The following ADAMTS12 variants were observed in gnomAD, a reference collection of about 807,000 sequenced individuals.
ADAMTS12 encodes the protein ADAM metallopeptidase with thrombospondin type 1 motif 12.
A neutral mutation model predicts 167.8 loss-of-function variants in ADAMTS12; 118 were observed. That is an observed-to-expected ratio of 0.70 (90% CI 0.61 to 0.82). ADAMTS12 has a LOEUF of 0.82. Ranked by LOEUF, ADAMTS12 falls within the 40% of genes least tolerant of loss-of-function variation. The pLI is 0.00. For synonymous variants in ADAMTS12, 704 were observed against 716.9 expected, an observed-to-expected ratio of 0.98 and a Z score of 0.29; for missense variants, 1,916 against 1,998.8, an observed-to-expected ratio of 0.96 and a Z score of 0.79.
intron 19 of ADAMTS12, 114 bp from the exon 20 acceptor site, chr5:33,561,293 A>T (rs572649240): frequency 7.5e-7 from 1 of 1,337,552 alleles, no homozygotes; most frequent in East Asian, 2.5e-5. Context: ...TTGCCCACAG[A>T]GCTTTTTAAA....
intron 5 of ADAMTS12, among the ~76,000 whole-genome samples, chr5:33,676,707 C>CACACACAG (rs879440613): frequency 2.8e-4 from 42 of 149,116 alleles, no homozygotes; most frequent in South Asian, 1.7e-3. Context: ...CACACACACA[C>CACACACAG]AGAGAGAGAG....
At chr5:33,623,423 G>C (rs1739426665) in intron 14 of ADAMTS12, among the ~76,000 whole-genome samples, 1 of 152,212 alleles carries the variant, frequency 6.6e-6, no homozygotes, top group Admixed American at 6.5e-5. Context: ...GGGAAACTCA[G>C]AGGTGCAAGA....
At chr5:33,800,466 A>C (rs1746955464) in intron 2 of ADAMTS12, among the ~76,000 whole-genome samples, 1 of 152,210 alleles carries the variant, frequency 6.6e-6, no homozygotes, top group Non-Finnish European at 1.5e-5. Context: ...ATGATCCACA[A>C]GATTTTCTCA....
chr5:33,849,651 ATATATAGTATC>A (rs1466522596), intron 2 of ADAMTS12, among the ~76,000 whole-genome samples: 394 of 124,398 alleles, frequency 3.2e-3, no homozygotes, highest in Non-Finnish European at 4.6e-3. Context: ...TTGCATAGCA[ATATATAGTATC>A]TATATATGTA....
intron 3 of ADAMTS12, among the ~76,000 whole-genome samples, chr5:33,745,087 G>A (rs1388992854): frequency 6.6e-6 from 1 of 152,184 alleles, no homozygotes; most frequent in Non-Finnish European, 1.5e-5. Flanking sequence ...CATAGCACTG[G>A]CATTGCAGGC....
chr5:33,744,661 A>G (rs1744716602), intron 3 of ADAMTS12, among the ~76,000 whole-genome samples: 1 of 152,204 alleles, frequency 6.6e-6, no homozygotes, highest in Non-Finnish European at 1.5e-5. Flanking sequence ...CAGACAATGT[A>G]GAAAGCTATT....
At chr5:33,867,314 T>C (rs10941108) in intron 2 of ADAMTS12, among the ~76,000 whole-genome samples, 31,588 of 152,030 alleles carry the variant, frequency 0.21, 4,102 homozygotes, top group Middle Eastern at 0.3. Context: ...TTGCAGAAAC[T>C]TGGATGGAGC....
At chr5:33,800,461 C>T (rs1261994685) in intron 2 of ADAMTS12, among the ~76,000 whole-genome samples, 3 of 152,300 alleles carry the variant, frequency 2.0e-5, no homozygotes, top group East Asian at 3.9e-4. Context: ...TGGACATGAT[C>T]CACAAGATTT....
chr5:33,681,251 C>T (rs1204757063), intron 5 of ADAMTS12, among the ~76,000 whole-genome samples: 3 of 152,106 alleles, frequency 2.0e-5, no homozygotes, highest in African/African-American at 7.2e-5. Context: ...CCCCACTCCA[C>T]AGATTGTTTT....
At chr5:33,570,074 T>C (rs539704091) in intron 19 of ADAMTS12, among the ~76,000 whole-genome samples, 1 of 152,214 alleles carries the variant, frequency 6.6e-6, no homozygotes, top group South Asian at 2.1e-4. Context: ...CAAACAAAGC[T>C]TCCAAGAAAT....
chr5:33,568,302 A>G (rs761458064), intron 19 of ADAMTS12, among the ~76,000 whole-genome samples: 1 of 152,222 alleles, frequency 6.6e-6, no homozygotes, highest in Non-Finnish European at 1.5e-5. Context: ...AATCAAACAT[A>G]AATCAAAGCG....
At chr5:33,845,269 G>A (rs551712031) in intron 2 of ADAMTS12, among the ~76,000 whole-genome samples, 1 of 152,164 alleles carries the variant, frequency 6.6e-6, no homozygotes, top group Non-Finnish European at 1.5e-5. Context: ...CTCTTCAGAG[G>A]AGGGAGAAAA....
chr5:33,575,777 C>T (rs1561138224), intron 19 of ADAMTS12, among the ~76,000 whole-genome samples: 5 of 152,094 alleles, frequency 3.3e-5, no homozygotes, highest in East Asian at 1.9e-4. Context: ...GAATTGTACA[C>T]GGCAGGAACT....
intron 2 of ADAMTS12, among the ~76,000 whole-genome samples, chr5:33,787,121 T>C (rs773823610): frequency 4.6e-5 from 7 of 152,130 alleles, no homozygotes; most frequent in Non-Finnish European, 8.8e-5. Context: ...CTGAAGCACA[T>C]TGTCATTCTT....
rs189591985 is a variant in ADAMTS12 at position 33,641,762 on chromosome 5, G to A, written c.1718+48C>T. ...GCCATTCAAGACTGCCCCCCATCCC[G>A]CCCCCAGCACATGTGGAGAGAAGGG... On this transcript the variant is annotated intron_variant, in intron 11 of 23. Coordinates refer to ENST00000504830, the MANE Select transcript of ADAMTS12 (RefSeq NM_030955.4). 50 of 1,480,702 alleles carry A rather than the reference G, an allele frequency of 3.4e-5. No individual in the cohort carries two copies. In the East Asian group the frequency reaches 5.2e-4, roughly 15 times the overall value. The allele number at this position is 1,480,702 out of a possible 1,614,324, so 91.7% of individuals were successfully genotyped here. A position where few individuals can be genotyped will look rare whatever the true frequency, so the allele number is the denominator to read the frequency against.
intron 16 of ADAMTS12, among the ~76,000 whole-genome samples, chr5:33,609,384 T>G (rs13353882): frequency 4.8e-5 from 7 of 147,262 alleles, no homozygotes; most frequent in Admixed American, 4.0e-4. Context: ...TTTTTTTTTT[T>G]TTTGGAGAGA....
intron 2 of ADAMTS12, among the ~76,000 whole-genome samples, chr5:33,857,109 T>G (rs902085217): frequency 1.3e-5 from 2 of 152,198 alleles, no homozygotes; most frequent in Admixed American, 6.5e-5. Context: ...CTGTCATGTG[T>G]GACAACATAG....
rs896616605 is a variant in ADAMTS12, at chr5:33,527,140, T to C, written c.*48A>G. On this transcript the variant is annotated 3_prime_UTR_variant, in exon 24 of 24. Transcript: ENST00000504830. ...CAGCTCCCAGGGCTAAAGCATGTCA[T>C]GGTCAGCAGGCTGCTGCAGTCTGGT... The C allele has an allele frequency of 6.2e-7, 1 of 1,604,164 alleles. No individual in the cohort carries two copies. The highest frequency in any genetic ancestry group is 1.3e-5 in the African/African-American group (1 of 74,458).
chr5:33,634,995 C>T (rs11748713), intron 12 of ADAMTS12, among the ~76,000 whole-genome samples: 2 of 151,818 alleles, frequency 1.3e-5, no homozygotes, highest in African/African-American at 2.4e-5. Context: ...CTGACTAGTT[C>T]GGATTACAGG....
Sources: allele counts gnomAD v4.1 joint callset (sites outside exome capture counted in the v4.1 genomes callset), GRCh38; gene constraint gnomAD v4.1.1; transcripts MANE v1.5; gene names NCBI Gene and HGNC (gene_info 2026-07-23, HGNC 2026-07-21).